TG: variants seen among roughly 807,000 people sequenced by gnomAD.
TG encodes thyroglobulin, also known as thyroid hormones.
A neutral mutation model predicts 324.7 loss-of-function variants in TG; 270 were observed. That is an observed-to-expected ratio of 0.83 (90% CI 0.75 to 0.92). The LOEUF is 0.92. TG is among the 40% of genes least tolerant of loss of function. The pLI is 0.00. For missense variants in TG, 3,591 were observed against 3,456.4 expected, an observed-to-expected ratio of 1.04 and a Z score of -0.98; for synonymous variants, 1,401 against 1,327.0, an observed-to-expected ratio of 1.06 and a Z score of -1.21.
chr8:132,908,299 A>C lies in TG; in HGVS notation c.3961A>C (p.Ile1321Leu). 2 of 1,613,318 alleles carry C rather than the reference A, an allele frequency of 1.2e-6. No individual in the cohort carries two copies. The change falls in exon 18 of 48, where the codon ATA becomes CTA. Residue 1321 changes from isoleucine to leucine, a missense_variant. Ile to Leu is a conservative substitution (Grantham distance 5). Coordinates refer to ENST00000220616, the MANE Select transcript of TG (RefSeq NM_003235.5). Reference protein sequence around the residue: ...ADLLQTFQVFILDELTARGFC... With the variant: ...ADLLQTFQVFLLDELTARGFC... ...TTTGCTGCAGACTTTCCAGGTTTTC[A>C]TATTGGATGAGCTGACAGCCCGCGG...
chr8:133,057,182 G>A (rs879537712), intron 41 of TG, among the ~76,000 whole-genome samples: 2,779 of 151,898 alleles, frequency 0.018, 97 homozygotes, highest in African/African-American at 0.063. Flanking sequence ...CTCTGTTGGT[G>A]CCTCTTCAGG....
intron 41 of TG, chr8:133,060,018 A>C: frequency 7.1e-7 from 1 of 1,412,318 alleles, no homozygotes; most frequent in Non-Finnish European, 9.5e-7. Context: ...TTAAGTAGTT[A>C]CCGGCATCCA....
At chr8:132,987,083 T>C (rs2896681) in intron 35 of TG, among the ~76,000 whole-genome samples, 89,559 of 151,402 alleles carry the variant, frequency 0.59, 27,634 homozygotes, top group African/African-American at 0.72. Context: ...AGATGGAGCA[T>C]GGAGCATGTC....
intron 15 of TG, 92 bp downstream of exon 15, chr8:132,900,431 A>G: frequency 8.4e-7 from 1 of 1,188,306 alleles, no homozygotes; most frequent in Non-Finnish European, 1.2e-6. Flanking sequence ...TCCCAGCTCT[A>G]CTGCTTCCAT....
Position 132,936,006 on chromosome 8 carries a change from T to G in TG, c.5041+142T>G, listed in dbSNP as rs556004593. On this transcript the variant is annotated intron_variant, in intron 25 of 47. Transcript: ENST00000220616. ...CACCCTCAGTCTGGCTTCTCTGAGC[T>G]CCATCCTTTGGCAGACTCAGCACAG... is the stretch of plus-strand genomic sequence containing the variant. 4.4e-5 allele frequency: 32 copies of G among 719,806 alleles called. No individual in the cohort carries two copies. The African/African-American group carries it at 5.2e-4, about 12-fold the overall frequency. 44.6% of individuals were successfully genotyped at this position (719,806 alleles called of 1,614,324 possible). A position where few individuals can be genotyped will look rare whatever the true frequency, so the allele number is the denominator to read the frequency against.
At chr8:132,952,830 C>T (rs371856583) in intron 27 of TG, among the ~76,000 whole-genome samples, 29 of 152,302 alleles carry the variant, frequency 1.9e-4, no homozygotes, top group South Asian at 8.3e-4. Flanking sequence ...TGACTTGACA[C>T]ACTTTAAGAA....
chr8:133,082,449 G>A (rs1387103503), intron 41 of TG, among the ~76,000 whole-genome samples: 1 of 152,164 alleles, frequency 6.6e-6, no homozygotes, highest in Non-Finnish European at 1.5e-5. Context: ...GGCCTTAATC[G>A]TTTTTGATTC....
chr8:133,074,880 G>A, intron 41 of TG: 1 of 985,566 alleles, frequency 1.0e-6, no homozygotes, highest in African/African-American at 1.7e-5. Flanking sequence ...GACTCCTGTG[G>A]GAGCTGTCTG....
intron 12 of TG, 23 bp downstream of exon 12, chr8:132,897,809 A>G (rs1469110769): frequency 1.2e-6 from 2 of 1,613,678 alleles, no homozygotes; most frequent in Non-Finnish European, 1.7e-6. Context: ...AGGCACCTTC[A>G]GGTGGCCAAG....
At chr8:133,060,806 G>A (rs1180154298) in intron 41 of TG, among the ~76,000 whole-genome samples, 2 of 152,170 alleles carry the variant, frequency 1.3e-5, no homozygotes, top group African/African-American at 4.8e-5. Context: ...TCATGCTTAA[G>A]CCCATTGTGC....
At chr8:133,094,364 C>A (rs542755384) in intron 41 of TG, among the ~76,000 whole-genome samples, 1 of 151,752 alleles carries the variant, frequency 6.6e-6, no homozygotes, top group Admixed American at 6.6e-5. Flanking sequence ...CCTCAGCCTC[C>A]CAAGTAGCAG....
At chr8:132,885,585 C>A (rs1312413308) in intron 8 of TG, among the ~76,000 whole-genome samples, 2 of 146,700 alleles carry the variant, frequency 1.4e-5, no homozygotes, top group Non-Finnish European at 2.9e-5. Context: ...ACACTAAAAT[C>A]ACATAGTGAA....
At chr8:132,899,733 G>C (rs1817646236) in intron 14 of TG, among the ~76,000 whole-genome samples, 1 of 152,198 alleles carries the variant, frequency 6.6e-6, no homozygotes, top group African/African-American at 2.4e-5. Context: ...ACAGAGAGAA[G>C]GAGAGGTAGA....
At chr8:133,101,611 C>T (rs1425347752) in intron 43 of TG, among the ~76,000 whole-genome samples, 1 of 152,178 alleles carries the variant, frequency 6.6e-6, no homozygotes, top group East Asian at 1.9e-4. Context: ...AACAGGGTGT[C>T]CAGCATGTTT....
At chr8:132,959,633 G>A (rs1414544152) in intron 27 of TG, among the ~76,000 whole-genome samples, 2 of 152,204 alleles carry the variant, frequency 1.3e-5, no homozygotes, top group Non-Finnish European at 2.9e-5. Flanking sequence ...ATGCATGGCT[G>A]TATATTATCC....
At chr8:132,908,887 C>T (rs1819088739) in intron 18 of TG, among the ~76,000 whole-genome samples, 1 of 152,136 alleles carries the variant, frequency 6.6e-6, no homozygotes, top group South Asian at 2.1e-4. Context: ...GGCTGAGGGC[C>T]TGTGAGTTCT....
intron 45 of TG, among the ~76,000 whole-genome samples, chr8:133,128,396 GCT>G (rs1851700787): frequency 6.8e-6 from 1 of 147,974 alleles, no homozygotes; most frequent in African/African-American, 2.5e-5. Flanking sequence ...CATCCGCAGA[GCT>G]CTGTGGCTGG....
intron 5 of TG, 53 bp from the exon 6 acceptor site, chr8:132,881,810 C>G: frequency 7.9e-7 from 1 of 1,258,522 alleles, no homozygotes; most frequent in Non-Finnish European, 1.2e-6. Flanking sequence ...ACAGGAAAAG[C>G]TTGTGATGAC....
At chr8:133,076,229 A>G (rs150341672) in intron 41 of TG, 1 of 152,274 alleles carries the variant, frequency 6.6e-6, no homozygotes. Flanking sequence ...TGATCTGTCC[A>G]CAGTCACACA....
Sources: gnomAD v4.1 joint callset for allele counts (sites outside exome capture counted in the v4.1 genomes callset) on GRCh38, gnomAD v4.1.1 for gene constraint, MANE v1.5 for transcripts, NCBI Gene and HGNC (gene_info 2026-07-23, HGNC 2026-07-21) for gene names.